The following LIPC variants were observed in gnomAD, a reference collection of about 807,000 sequenced individuals.
The protein encoded by LIPC is hepatic triacylglycerol lipase.
In LIPC, 44 loss-of-function variants were observed where a neutral mutation model predicts 50.7. The ratio of observed to expected loss-of-function variants is 0.87; its 90% CI spans 0.68 to 1.11. LIPC has a LOEUF of 1.11. Among genes scored for constraint, LIPC ranks in the 50% most tolerant of loss-of-function variants. The pLI is 0.00. For synonymous variants in LIPC, 271 were observed against 256.4 expected (o/e 1.06, Z -0.54); for missense variants, 697 against 648.2 (o/e 1.08, Z -0.82).
Position 58,517,378 on chromosome 15 carries a change from C to G in LIPC, c.89-20955C>G, listed in dbSNP as rs546434518. Among the ~76,000 whole-genome samples, 3 of 152,384 alleles carry G rather than the reference C, an allele frequency of 2.0e-5. No individual in the cohort carries two copies. In the East Asian group the frequency reaches 5.8e-4, roughly 29 times the overall value. ...CTATCAGACTGATGTTGCCATAACA[C>G]TGCATATCTTCACCCAGGAGGGGCG... On this transcript the variant is annotated intron_variant, in intron 1 of 8. Transcript: ENST00000299022.
At chr15:58,496,362 T>C (rs1276233956) in intron 1 of LIPC, among the ~76,000 whole-genome samples, 3 of 152,222 alleles carry the variant, frequency 2.0e-5, no homozygotes, top group Non-Finnish European at 4.4e-5. Flanking sequence ...TCTAAGGCTC[T>C]TTGTTTCTGT....
At position 58,489,217 on chromosome 15, in the gene LIPC, C is replaced by T. The variant is rs1292172926; in HGVS notation, c.89-49116C>T. ...CAACCATTAGGGATTCATTTTGTTG[C>T]GGGGGCGGGGGGGCGGCTTACAAGC... On this transcript the variant is annotated intron_variant, in intron 1 of 8. Coordinates refer to ENST00000299022, the MANE Select transcript of LIPC (RefSeq NM_000236.3). 5.4e-4 allele frequency among the ~76,000 whole-genome samples: 9 copies of T among 16,568 alleles called. 2 individuals carry two copies. Among genetic ancestry groups the T allele is most frequent in the South Asian group, 2.3e-3 (1 of 438 alleles). 10.9% of individuals were successfully genotyped at this position (16,568 alleles called of 152,430 possible).
At chr15:58,562,872 A>G (rs17301857) in intron 7 of LIPC, among the ~76,000 whole-genome samples, 23,764 of 151,272 alleles carry the variant, frequency 0.16, 2,114 homozygotes, top group South Asian at 0.34. Flanking sequence ...ACTGCCAAAA[A>G]TCTCTCCCAG....
chr15:58,565,787 A>G (rs1434003528), intron 8 of LIPC: 1 of 986,332 alleles, frequency 1.0e-6, no homozygotes, highest in Non-Finnish European at 1.2e-6. Context: ...ATATGTATGC[A>G]TCAAACCCAT....
At chr15:58,455,056 A>C (rs1205994212) in intron 1 of LIPC, 1 of 152,244 alleles carries the variant, frequency 6.6e-6, no homozygotes, top group Non-Finnish European at 1.5e-5. Context: ...TGATACACCA[A>C]AGTGAATCTC....
chr15:58,511,308 G>A (rs537636569), intron 1 of LIPC, among the ~76,000 whole-genome samples: 1 of 152,288 alleles, frequency 6.6e-6, no homozygotes. Flanking sequence ...TGCCTGGGGA[G>A]GGAGTGTGGT....
intron 1 of LIPC, among the ~76,000 whole-genome samples, chr15:58,535,477 C>T (rs1407368312): frequency 1.3e-5 from 2 of 152,204 alleles, no homozygotes; most frequent in Non-Finnish European, 2.9e-5. Flanking sequence ...TGGGGCTTTC[C>T]ATCTGACAAC....
intron 1 of LIPC, among the ~76,000 whole-genome samples, chr15:58,433,142 A>G (rs941584407): frequency 6.6e-6 from 1 of 152,346 alleles, no homozygotes; most frequent in Admixed American, 6.5e-5. Flanking sequence ...CATCTCATTT[A>G]TAAAGCCACA....
At chr15:58,491,487 A>G (rs767873797) in intron 1 of LIPC, among the ~76,000 whole-genome samples, 15 of 152,190 alleles carry the variant, frequency 9.9e-5, no homozygotes, top group Non-Finnish European at 1.9e-4. Context: ...ACTTAAAACA[A>G]TAAGAGGTGC....
intron 1 of LIPC, among the ~76,000 whole-genome samples, chr15:58,446,238 G>C (rs1397470719): frequency 1.3e-5 from 2 of 152,020 alleles, no homozygotes; most frequent in African/African-American, 2.4e-5. Context: ...GTCTCACTCT[G>C]TCACCCACGC....
intron 1 of LIPC, among the ~76,000 whole-genome samples, chr15:58,442,553 T>C (rs1249162965): frequency 1.3e-5 from 2 of 152,240 alleles, no homozygotes; most frequent in African/African-American, 2.4e-5. Context: ...ATTTCTTGAA[T>C]TGAACTAAGA....
At chr15:58,482,349 C>T (rs1345072502) in intron 1 of LIPC, among the ~76,000 whole-genome samples, 1 of 152,164 alleles carries the variant, frequency 6.6e-6, no homozygotes, top group Non-Finnish European at 1.5e-5. Flanking sequence ...CCTCACCACC[C>T]TCTCCAGCTC....
At chr15:58,488,314 C>T (rs865811686) in intron 1 of LIPC, among the ~76,000 whole-genome samples, 2 of 152,306 alleles carry the variant, frequency 1.3e-5, no homozygotes, top group South Asian at 2.1e-4. Context: ...AGACTCCTTC[C>T]AACCCAGCAA....
chr15:58,484,777 C>T (rs1477087049), intron 1 of LIPC, among the ~76,000 whole-genome samples: 1 of 152,230 alleles, frequency 6.6e-6, no homozygotes, highest in Non-Finnish European at 1.5e-5. Flanking sequence ...ATAACTAAAA[C>T]CACTTACAAA....
At chr15:58,469,892 A>G (rs1894724653) in intron 1 of LIPC, among the ~76,000 whole-genome samples, 1 of 151,768 alleles carries the variant, frequency 6.6e-6, no homozygotes, top group Non-Finnish European at 1.5e-5. Flanking sequence ...CATTTTTCTC[A>G]ATGCTGGATG....
At chr15:58,544,977 A>G (rs1283563680) in intron 4 of LIPC, among the ~76,000 whole-genome samples, 1 of 152,150 alleles carries the variant, frequency 6.6e-6, no homozygotes, top group Non-Finnish European at 1.5e-5. Context: ...TGCACACAAC[A>G]TTTTCACATA....
intron 1 of LIPC, among the ~76,000 whole-genome samples, chr15:58,520,858 G>C (rs1892632157): frequency 6.6e-6 from 1 of 152,070 alleles, no homozygotes. Context: ...GATCAGAAAA[G>C]CCTTCACAAA....
intron 1 of LIPC, chr15:58,436,583 C>A: frequency 2.0e-5 from 6 of 299,098 alleles, no homozygotes; most frequent in South Asian, 1.1e-4. Flanking sequence ...ACTGAAAATA[C>A]TTTTGTCTTA....
intron 1 of LIPC, among the ~76,000 whole-genome samples, chr15:58,485,206 C>A (rs111722517): frequency 2.0e-5 from 3 of 152,006 alleles, no homozygotes; most frequent in Non-Finnish European, 4.4e-5. Flanking sequence ...AGGGAGACCC[C>A]GGGGGAGGCA....
Sources: allele counts gnomAD v4.1 joint callset (sites outside exome capture counted in the v4.1 genomes callset), GRCh38; gene constraint gnomAD v4.1.1; transcripts MANE v1.5; gene names NCBI Gene and HGNC (gene_info 2026-07-23, HGNC 2026-07-21).